The following ECHDC3 variants were observed in gnomAD, a reference collection of about 807,000 sequenced individuals.
The protein encoded by ECHDC3 is enoyl-CoA hydratase domain-containing protein 3, mitochondrial.
Under a neutral mutation model 17.9 loss-of-function variants are expected in ECHDC3, and 20 were observed. The ratio of observed to expected loss-of-function variants is 1.12; its 90% CI spans 0.79 to 1.63. The LOEUF is 1.63. Among genes scored for constraint, ECHDC3 ranks in the 40% most tolerant of loss-of-function variants. The pLI is 0.00. For synonymous variants in ECHDC3, 177 were observed against 149.7 expected (o/e 1.18, Z -1.33); for missense variants, 407 against 357.7 (o/e 1.14, Z -1.11).
intron 4 of ECHDC3, among the ~76,000 whole-genome samples, chr10:11,761,631 C>T (rs1439023856): frequency 1.3e-5 from 2 of 152,240 alleles, no homozygotes; most frequent in African/African-American, 4.8e-5. Flanking sequence ...GCTGTGAATG[C>T]TACCTCTCAG....
At chr10:11,754,830 AC>A (rs1440423077) in intron 3 of ECHDC3, among the ~76,000 whole-genome samples, 1 of 152,236 alleles carries the variant, frequency 6.6e-6, no homozygotes, top group Non-Finnish European at 1.5e-5. Flanking sequence ...GGCAGCCCCC[AC>A]CAAGCTTAGT....
chr10:11,745,954 G>A (rs1832754353), intron 1 of ECHDC3, among the ~76,000 whole-genome samples: 1 of 152,132 alleles, frequency 6.6e-6, no homozygotes, highest in South Asian at 2.1e-4. Context: ...CTTGCTGTGT[G>A]GCTTGTACTT....
In ECHDC3 at chr10:11,747,398, A is replaced by T; in HGVS notation, c.220A>T (p.Met74Leu). 6.2e-7 allele frequency: 1 copy of T among 1,614,062 alleles called. No individual in the cohort carries two copies. The highest frequency in any genetic ancestry group is 1.1e-5 in the South Asian group (1 of 91,076). ...PKKRNALSLA[M>L]LKSLQSDILH... ...GAAGAGGAACGCGTTGTCACTTGCA[A>T]TGCTGAAGTCTCTCCAAAGTGACAT... The change falls in exon 2 of 5, where the codon ATG (methionine) becomes TTG (leucine). Residue 74 changes from methionine (M) to leucine (L), a missense_variant. Transcript: ENST00000379215.
intron 4 of ECHDC3, 111 bp downstream of exon 4, chr10:11,755,719 A>T: frequency 9.2e-7 from 1 of 1,082,822 alleles, no homozygotes; most frequent in Non-Finnish European, 1.3e-6. Flanking sequence ...TCATATCAGG[A>T]CGTTCTGCCC....
Position 11,747,361 on chromosome 10 carries a change from G to A in ECHDC3, c.183G>A (p.Leu61=). The A allele has an allele frequency of 1.2e-6, 2 of 1,613,896 alleles. No homozygotes were observed. Among genetic ancestry groups the A allele is most frequent in the East Asian group, 2.2e-5 (1 of 44,868 alleles). ...RQLDGIRNIV[L]SNPKKRNALS... is the part of the protein sequence containing the mutation. The stretch of plus-strand genomic sequence containing the variant: ...ATGTTCTTCACAGGAACATCGTCTT[G>A]AGCAATCCCAAGAAGAGGAACGCGT... Residue 61 remains leucine, a synonymous_variant, in exon 2 of 5, where the codon TTG becomes TTA. Transcript: ENST00000379215.
chr10:11,763,223 G>A lies in ECHDC3; in HGVS notation c.592-1G>A, dbSNP rs747301000. 5.2e-6 allele frequency: 4 copies of A among 773,556 alleles called. No individual in the cohort carries two copies. The East Asian group carries it at 9.7e-5, about 19-fold the overall frequency. The allele number at this position is 773,556 out of a possible 1,614,324, so 47.9% of individuals were successfully genotyped here. ...CAGTGACATCCCGTGTCTCCCCGTA[G>A]GTGGCCTTGGAGATGCTCTTTACTG... On this transcript the variant is annotated splice_acceptor_variant, in intron 4 of 4. Transcript: ENST00000379215. LOFTEE classifies it high-confidence loss of function. This position sits in a 1 kb window ranked among gnomAD's most constrained non-coding sequence, Gnocchi z 4.9.
intron 3 of ECHDC3, among the ~76,000 whole-genome samples, chr10:11,749,881 C>T (rs12220299): frequency 0.94 from 138,790 of 148,384 alleles, 65,700 homozygotes; most frequent in East Asian, 1. Flanking sequence ...CTGCAACCTC[C>T]GCCTCCCAAG....
At chr10:11,759,015 A>G (rs1428359395) in intron 4 of ECHDC3, among the ~76,000 whole-genome samples, 1 of 152,160 alleles carries the variant, frequency 6.6e-6, no homozygotes, top group African/African-American at 2.4e-5. Flanking sequence ...GGGTGATGAG[A>G]TCATGAGTAT....
intron 4 of ECHDC3, among the ~76,000 whole-genome samples, chr10:11,761,951 G>A (rs57446906): frequency 0.06 from 9,175 of 152,166 alleles, 373 homozygotes; most frequent in East Asian, 0.22. Flanking sequence ...TAAAAAAAAT[G>A]GCCAGGCATG....
At chr10:11,745,676 C>G (rs1272272921) in intron 1 of ECHDC3, among the ~76,000 whole-genome samples, 1 of 152,020 alleles carries the variant, frequency 6.6e-6, no homozygotes, top group Non-Finnish European at 1.5e-5. Context: ...TTGGCTGTAC[C>G]GCGGAAGGAA....
At position 11,744,829 on chromosome 10, in the gene ECHDC3, A is replaced by T. The variant is rs902896; in HGVS notation, c.170+2083A>T. Reference sequence around the variant, plus strand: ...AGAGGGCCAGGTTTGAGAATGGGGGAATGCCCAAAGACACCTAGATGGAGA... The same window carrying T: ...AGAGGGCCAGGTTTGAGAATGGGGGTATGCCCAAAGACACCTAGATGGAGA... On this transcript the variant is annotated intron_variant, in intron 1 of 4. Transcript: ENST00000379215. Among the ~76,000 whole-genome samples the T allele has an allele frequency of 2.0e-5, 3 of 152,102 alleles. No individual in the cohort carries two copies. In the East Asian group the frequency reaches 5.8e-4, roughly 29 times the overall value.
intron 1 of ECHDC3, among the ~76,000 whole-genome samples, chr10:11,744,253 G>C (rs1015281189): frequency 6.6e-6 from 1 of 152,234 alleles, no homozygotes; most frequent in African/African-American, 2.4e-5. Context: ...GGTCTCACCA[G>C]GGTTCAGAGA....
At position 11,747,229 on chromosome 10, in the gene ECHDC3, G is replaced by GTA. The variant is rs1401379305; in HGVS notation, c.171-120_171-119insTA. On this transcript the variant is annotated intron_variant, in intron 1 of 4. Transcript: ENST00000379215. ...GACAGACCCTCTAAATTGGCACTAAGCCCCAGCAGTTCTCCTTTCTTGTCT... is the reference window on the plus strand; with the variant it reads ...GACAGACCCTCTAAATTGGCACTAAGTACCCCAGCAGTTCTCCTTTCTTGTCT... The GTA allele has an allele frequency of 3.8e-6, 5 of 1,322,492 alleles. No homozygotes were observed. The African/African-American group carries it at 7.4e-5, about 19-fold the overall frequency. 81.9% of individuals were successfully genotyped at this position (1,322,492 alleles called of 1,614,324 possible).
intron 4 of ECHDC3, among the ~76,000 whole-genome samples, chr10:11,757,045 A>C (rs901916204): frequency 1.3e-5 from 2 of 152,216 alleles, no homozygotes; most frequent in Admixed American, 6.5e-5. Context: ...CATTCAGTAA[A>C]TATTTCTTAA....
rs1483307694 is a variant in ECHDC3 at position 11,742,643 on chromosome 10, T to C, written c.67T>C (p.Trp23Arg). 2 of 1,260,566 alleles carry C rather than the reference T, an allele frequency of 1.6e-6. No individual in the cohort carries two copies. Among genetic ancestry groups the C allele is most frequent in the Non-Finnish European group, 1.0e-6 (1 of 1,004,292 alleles). 78.1% of individuals were successfully genotyped at this position (1,260,566 alleles called of 1,614,324 possible). The stretch of plus-strand genomic sequence containing the variant: ...GCCCATGTGTCTCCGGCGCGGCCCC[T>C]GGGCCCAGCTCCCCGCCCGCTTCTG... ...SGPMCLRRGPWAQLPARFCSR... is the reference protein window; with the variant it reads ...SGPMCLRRGPRAQLPARFCSR... Residue 23 changes from tryptophan (W) to arginine (R), a missense_variant, in exon 1 of 5, where the codon TGG becomes CGG. Physicochemically the swap from Trp to Arg is moderately radical, Grantham distance 101 (BLOSUM62 -3). Transcript: ENST00000379215.
rs1338113902 is a variant in ECHDC3 at position 11,755,553 on chromosome 10, T to C, written c.536T>C (p.Val179Ala). Residue 179 changes from valine to alanine, a missense_variant, in exon 4 of 5, where the codon GTC (valine) becomes GCC (alanine). By Grantham distance (64) the Val-to-Ala change is moderately conservative. Transcript: ENST00000379215. ...TCTTTTGCCACTCCTGGGGTGAACG[T>C]CGGGCTCTTCTGTTCTACCCCTGGG... ...KSSFATPGVN[V>A]GLFCSTPGVA... The C allele has an allele frequency of 2.2e-5, 35 of 1,614,038 alleles. No homozygotes were observed. The highest frequency in any genetic ancestry group is 2.9e-5 in the Non-Finnish European group (34 of 1,179,980).
chr10:11,749,773 CTTTTTTTTTTTTTTTTTTTTTTT>C (rs869115508), intron 3 of ECHDC3, among the ~76,000 whole-genome samples, 181 bp downstream of exon 3: 3 of 65,502 alleles, frequency 4.6e-5, no homozygotes, highest in African/African-American at 2.0e-4. Flanking sequence ...TGGTTTAGAC[CTTTTTTTTTTTTTTTTTTTTTTT>C]TTTTTTTTTT....
At position 11,763,177 on chromosome 10, in the gene ECHDC3, G is replaced by A. The variant is rs937128179; in HGVS notation, c.592-47G>A. The A allele has an allele frequency of 1.4e-6, 1 of 701,820 alleles. No homozygotes were observed. Among genetic ancestry groups the A allele is most frequent in the Non-Finnish European group, 2.6e-6 (1 of 379,830 alleles). 43.5% of individuals were successfully genotyped at this position (701,820 alleles called of 1,614,324 possible). On this transcript the variant is annotated intron_variant, in intron 4 of 4. Transcript: ENST00000379215. The surrounding 1 kb of genome is among the most constrained non-coding windows in gnomAD (Gnocchi z 4.9). ...CCGAGGCGGGACTCAGGTGGCGGGG[G>A]CGGGTCACAGGAGAGCACCTCAGTG... is the stretch of plus-strand genomic sequence containing the variant.
At chr10:11,744,893 C>G (rs1322339963) in intron 1 of ECHDC3, among the ~76,000 whole-genome samples, 1 of 152,190 alleles carries the variant, frequency 6.6e-6, no homozygotes, top group African/African-American at 2.4e-5. Flanking sequence ...GCACCTGGAG[C>G]TCAGCTCAGA....
Sources: gnomAD v4.1 joint callset for allele counts (sites outside exome capture counted in the v4.1 genomes callset) on GRCh38, gnomAD v4.1.1 for gene constraint, Gnocchi (gnomAD v3.1) non-coding constraint, MANE v1.5 for transcripts, NCBI Gene and HGNC (gene_info 2026-07-23, HGNC 2026-07-21) for gene names.